The following TCF4 variants were observed in gnomAD, a reference collection of about 807,000 sequenced individuals.
TCF4 encodes the protein transcription factor 4.
A neutral mutation model predicts 82.1 loss-of-function variants in TCF4; 3 were observed. That is an observed-to-expected ratio of 0.04 (90% CI 0.02 to 0.09). The LOEUF is 0.09. Among genes scored for constraint, TCF4 ranks in the 10% least tolerant of loss-of-function variants. The pLI, the probability that TCF4 is intolerant of heterozygous loss-of-function variation, is 1.00. For missense variants in TCF4, 518 were observed against 852.7 expected (o/e 0.61, Z 4.89); for synonymous variants, 276 against 309.6 (o/e 0.89, Z 1.14).
At chr18:55,371,242 G>A (rs1397826473) in intron 6 of TCF4, among the ~76,000 whole-genome samples, 1 of 152,168 alleles carries the variant, frequency 6.6e-6, no homozygotes, top group Non-Finnish European at 1.5e-5. Context: ...CTTGGTCTTG[G>A]TAGAAACATG....
At chr18:55,381,861 T>G (rs923532253) in intron 6 of TCF4, among the ~76,000 whole-genome samples, 12 of 151,660 alleles carry the variant, frequency 7.9e-5, no homozygotes, top group Admixed American at 3.9e-4. Flanking sequence ...ATTTGTGAAA[T>G]AAGGAGCTGG....
At chr18:55,281,716 T>C (rs1232244003) in intron 8 of TCF4, among the ~76,000 whole-genome samples, 1 of 151,890 alleles carries the variant, frequency 6.6e-6, no homozygotes, top group Non-Finnish European at 1.5e-5. Flanking sequence ...CTTTTTCTTT[T>C]TTTTTTTCCA....
At chr18:55,371,041 A>G (rs1168013450) in intron 6 of TCF4, among the ~76,000 whole-genome samples, 2 of 152,254 alleles carry the variant, frequency 1.3e-5, no homozygotes, top group Non-Finnish European at 2.9e-5. Flanking sequence ...TGAATGTCTA[A>G]TATAATTCCA....
chr18:55,229,433 C>A (rs76114389), intron 17 of TCF4: 17 of 312,956 alleles, frequency 5.4e-5, no homozygotes, highest in Middle Eastern at 1.1e-3. Context: ...CACCAACTTA[C>A]GCCTAGCATA....
intron 3 of TCF4, among the ~76,000 whole-genome samples, chr18:55,471,293 C>G (rs936933299): frequency 4.6e-5 from 7 of 152,132 alleles, no homozygotes; most frequent in Non-Finnish European, 1.5e-5. Context: ...AGAAATGGTG[C>G]TTCAGAATGA....
chr18:55,271,944 G>A (rs1367080388), intron 10 of TCF4, among the ~76,000 whole-genome samples: 2 of 152,068 alleles, frequency 1.3e-5, no homozygotes, highest in Non-Finnish European at 2.9e-5. Context: ...TGGAATTTCT[G>A]AAGAACAGAC....
chr18:55,372,484 A>G (rs1311353293), intron 6 of TCF4, among the ~76,000 whole-genome samples: 6 of 152,152 alleles, frequency 3.9e-5, no homozygotes, highest in African/African-American at 1.4e-4. Flanking sequence ...TGTGACAGAA[A>G]AAGGGGATAC....
intron 3 of TCF4, among the ~76,000 whole-genome samples, chr18:55,565,557 T>C (rs561439239): frequency 3.6e-4 from 55 of 152,162 alleles, no homozygotes; most frequent in South Asian, 8.3e-4. Flanking sequence ...CAGATTTTCA[T>C]AGATTCAATA....
At chr18:55,325,077 T>A (rs1301180490) in intron 8 of TCF4, among the ~76,000 whole-genome samples, 1 of 152,214 alleles carries the variant, frequency 6.6e-6, no homozygotes, top group African/African-American at 2.4e-5. Flanking sequence ...TAGTATTACC[T>A]ACAAGGTAGA....
chr18:55,634,160 A>G (rs972701174), intron 1 of TCF4, among the ~76,000 whole-genome samples: 4 of 151,938 alleles, frequency 2.6e-5, no homozygotes, highest in African/African-American at 9.7e-5. Context: ...TCCCAGCTAC[A>G]TGGGAGGCTG....
chr18:55,511,636 T>A (rs1258461524), intron 3 of TCF4, among the ~76,000 whole-genome samples: 1 of 152,108 alleles, frequency 6.6e-6, no homozygotes, highest in East Asian at 1.9e-4. Context: ...TAAATAAATA[T>A]TTTTTTCAAA....
intron 8 of TCF4, among the ~76,000 whole-genome samples, chr18:55,314,565 C>T (rs1330533266): frequency 9.5e-6 from 1 of 105,114 alleles, no homozygotes; most frequent in Non-Finnish European, 1.8e-5. Context: ...TATTTATTCT[C>T]CTTAAAAAAA....
intron 8 of TCF4, among the ~76,000 whole-genome samples, chr18:55,338,172 G>T (rs1207440077): frequency 6.6e-6 from 1 of 151,964 alleles, no homozygotes; most frequent in African/African-American, 2.4e-5. Context: ...ATTTCATTTC[G>T]ACCACGGCAG....
At chr18:55,374,180 C>T (rs2090117856) in intron 6 of TCF4, among the ~76,000 whole-genome samples, 1 of 151,446 alleles carries the variant, frequency 6.6e-6, no homozygotes, top group Admixed American at 6.6e-5. Context: ...AAAATAATGG[C>T]CTTAAATTGC....
At chr18:55,326,900 G>T (rs114096931) in intron 8 of TCF4, among the ~76,000 whole-genome samples, 1,716 of 152,212 alleles carry the variant, frequency 0.011, 46 homozygotes, top group African/African-American at 0.037. Context: ...GGATCCATGT[G>T]TCATATTCAA....
At position 55,329,221 on chromosome 18, in the gene TCF4, A is replaced by G. The variant is rs566053469; in HGVS notation, c.549+21138T>C. On this transcript the variant is annotated intron_variant, in intron 8 of 19. Coordinates refer to ENST00000354452, the MANE Select transcript of TCF4 (RefSeq NM_001083962.2). ...CCAATCGATAGCCTAAAGCTTAAGC[A>G]GGTCATTGGTCCATTCCTAATCTAA... 3.3e-5 allele frequency among the ~76,000 whole-genome samples: 5 copies of G among 152,332 alleles called. No individual in the cohort carries two copies. In the East Asian group the frequency reaches 9.6e-4, roughly 29 times the overall value.
At chr18:55,530,561 AG>A (rs11412432) in intron 3 of TCF4, among the ~76,000 whole-genome samples, 8 of 106,488 alleles carry the variant, frequency 7.5e-5, no homozygotes, top group South Asian at 8.0e-4. Context: ...GGCCCTGAAA[AG>A]GGGGGGGGAA....
chr18:55,634,954 C>T (rs1362957760), intron 1 of TCF4, among the ~76,000 whole-genome samples: 11 of 152,066 alleles, frequency 7.2e-5, no homozygotes, highest in Admixed American at 7.2e-4. Context: ...TTATGAGTTC[C>T]TTTTTAGATA....
chr18:55,460,632 C>T (rs138547061), intron 5 of TCF4, among the ~76,000 whole-genome samples: 20 of 152,202 alleles, frequency 1.3e-4, no homozygotes, highest in African/African-American at 4.1e-4. Flanking sequence ...ACAGTTAACA[C>T]TGACTATATA....
Sources: gnomAD v4.1 joint callset for allele counts (sites outside exome capture counted in the v4.1 genomes callset) on GRCh38, gnomAD v4.1.1 for gene constraint, MANE v1.5 for transcripts, NCBI Gene and HGNC (gene_info 2026-07-23, HGNC 2026-07-21) for gene names.